The following CSTPP1 variants were observed in gnomAD, a reference collection of about 807,000 sequenced individuals.
CSTPP1 encodes centriolar satellite-associated tubulin polyglutamylase complex regulator 1.
the CSTPP1 span, among the ~76,000 whole-genome samples, chr11:47,130,177 A>AGG: frequency 6.6e-6 from 1 of 151,918 alleles, no homozygotes; most frequent in Non-Finnish European, 1.5e-5. Flanking sequence ...GACTCGCTTG[A>AGG]ACTCGGGAGG....
At chr11:47,017,097 C>G in the CSTPP1 span, among the ~76,000 whole-genome samples, 2 of 150,934 alleles carry the variant, frequency 1.3e-5, no homozygotes, top group Admixed American at 1.3e-4. Flanking sequence ...ATGATCTGCC[C>G]GCCTCAGCCT....
At chr11:47,142,632 A>T in the CSTPP1 span, among the ~76,000 whole-genome samples, 7 of 152,090 alleles carry the variant, frequency 4.6e-5, 1 homozygote, top group Admixed American at 6.6e-5. Flanking sequence ...CTTTCCCATG[A>T]TGTGAGGGAG....
chr11:47,141,932 CAAAAAAAAAAAAAAA>C, the CSTPP1 span, among the ~76,000 whole-genome samples: 1 of 37,868 alleles, frequency 2.6e-5, no homozygotes, highest in Non-Finnish European at 4.7e-5. Flanking sequence ...GACTCTGTCT[CAAAAAAAAAAAAAAA>C]AAAAAAAAAA....
chr11:47,104,994 A>G, the CSTPP1 span, among the ~76,000 whole-genome samples: 1 of 152,216 alleles, frequency 6.6e-6, no homozygotes, highest in Non-Finnish European at 1.5e-5. Flanking sequence ...CCAAATCAAA[A>G]TGAAGTTCCA....
At chr11:47,008,090 C>T in the CSTPP1 span, among the ~76,000 whole-genome samples, 2 of 152,144 alleles carry the variant, frequency 1.3e-5, no homozygotes, top group Non-Finnish European at 2.9e-5. Flanking sequence ...GCCTCAGCCT[C>T]CCAAGTAGCT....
the CSTPP1 span, among the ~76,000 whole-genome samples, chr11:47,070,067 T>A: frequency 6.6e-6 from 1 of 151,930 alleles, no homozygotes; most frequent in East Asian, 1.9e-4. Context: ...ACACACAACG[T>A]TATTAAACGC....
At chr11:46,964,069 C>G in the CSTPP1 span, among the ~76,000 whole-genome samples, 22 of 152,106 alleles carry the variant, frequency 1.4e-4, 2 homozygotes, top group African/African-American at 4.8e-4. Context: ...TCGTTACCTT[C>G]AATTCTTTCT....
At chr11:47,071,762 C>A in the CSTPP1 span, among the ~76,000 whole-genome samples, 1 of 152,214 alleles carries the variant, frequency 6.6e-6, no homozygotes, top group African/African-American at 2.4e-5. Flanking sequence ...ACTTTAAAAA[C>A]TGTATTAAAA....
the CSTPP1 span, among the ~76,000 whole-genome samples, chr11:47,089,447 T>C: frequency 2.6e-5 from 4 of 152,170 alleles, no homozygotes; most frequent in Admixed American, 6.6e-5. Flanking sequence ...TGAGCCACTT[T>C]GGTAAGATAA....
chr11:47,058,935 A>G, the CSTPP1 span, among the ~76,000 whole-genome samples: 62 of 152,340 alleles, frequency 4.1e-4, no homozygotes, highest in Admixed American at 7.2e-4. Flanking sequence ...TAGCATAGGA[A>G]CCAACCCAAA....
At chr11:47,157,693 T>TTGGGGATCCCAAGGCAGGTCCC in the CSTPP1 span, 1 of 774,038 alleles carries the variant, frequency 1.3e-6, no homozygotes, top group Non-Finnish European at 2.0e-6. Flanking sequence ...CCCCAGGGCC[T>TTGGGGATCCCAAGGCAGGTCCC]TGGGGCTCCC....
At chr11:47,006,421 G>T in the CSTPP1 span, among the ~76,000 whole-genome samples, 1 of 152,106 alleles carries the variant, frequency 6.6e-6, no homozygotes, top group African/African-American at 2.4e-5. Context: ...TTTGGTTTTT[G>T]ATAGTTTTAG....
chr11:47,112,612 G>T, the CSTPP1 span, among the ~76,000 whole-genome samples: 1 of 152,148 alleles, frequency 6.6e-6, no homozygotes, highest in South Asian at 2.1e-4. Context: ...GTGAGCTGCT[G>T]CGCCCAGCCT....
the CSTPP1 span, among the ~76,000 whole-genome samples, chr11:47,102,808 T>C: frequency 6.6e-6 from 1 of 152,246 alleles, no homozygotes; most frequent in Non-Finnish European, 1.5e-5. Context: ...ATGAAATGTA[T>C]ACCCTAAGGG....
At chr11:47,151,632 C>A in the CSTPP1 span, among the ~76,000 whole-genome samples, 1 of 150,806 alleles carries the variant, frequency 6.6e-6, no homozygotes, top group South Asian at 2.1e-4. Context: ...GTATGCCCAG[C>A]GTTTCTGGTT....
the CSTPP1 span, among the ~76,000 whole-genome samples, chr11:47,112,579 C>T: frequency 6.6e-6 from 1 of 152,202 alleles, no homozygotes; most frequent in African/African-American, 2.4e-5. Flanking sequence ...GCCTTGGCCT[C>T]CCAAACTGTC....
the CSTPP1 span, among the ~76,000 whole-genome samples, chr11:47,021,265 A>G: frequency 6.6e-6 from 1 of 152,154 alleles, no homozygotes; most frequent in Non-Finnish European, 1.5e-5. Flanking sequence ...TCATCTCTGC[A>G]GGCTCCTGCA....
At chr11:47,081,935 CTTTTT>C in the CSTPP1 span, among the ~76,000 whole-genome samples, 1 of 133,300 alleles carries the variant, frequency 7.5e-6, no homozygotes, top group African/African-American at 2.8e-5. Flanking sequence ...ACAAAAAAAC[CTTTTT>C]TTTTTTTTTT....
chr11:47,111,765 A>G, the CSTPP1 span, among the ~76,000 whole-genome samples: 5 of 152,224 alleles, frequency 3.3e-5, no homozygotes, highest in Non-Finnish European at 7.3e-5. Flanking sequence ...ATGGTGCTAC[A>G]GTTCCTGTAG....
Sources: allele counts gnomAD v4.1 joint callset (sites outside exome capture counted in the v4.1 genomes callset), GRCh38; gene constraint gnomAD v4.1.1; transcripts MANE v1.5; gene names NCBI Gene and HGNC (gene_info 2026-07-23, HGNC 2026-07-21).